ZNF362: variants seen among roughly 807,000 people sequenced by gnomAD.
ZNF362 encodes the protein zinc finger protein 362, also known as rotund homolog.
A neutral mutation model predicts 42.9 loss-of-function variants in ZNF362; 11 were observed. The ratio of observed to expected loss-of-function variants is 0.26; its 90% CI spans 0.16 to 0.42. The LOEUF (loss-of-function observed/expected upper bound fraction) is 0.42. Ranked by LOEUF, ZNF362 falls within the 20% of genes least tolerant of loss-of-function variation. ZNF362 has a pLI of 1.00. For synonymous variants in ZNF362, 255 were observed against 257.3 expected, an observed-to-expected ratio of 0.99 and a Z score of 0.09; for missense variants, 362 against 576.2, an observed-to-expected ratio of 0.63 and a Z score of 3.81.
At chr1:33,273,465 G>C (rs1267687862) in intron 2 of ZNF362, among the ~76,000 whole-genome samples, 1 of 152,214 alleles carries the variant, frequency 6.6e-6, no homozygotes, top group South Asian at 2.1e-4. Context: ...CTCCTGATCA[G>C]GGTAGTGGCT....
At chr1:33,192,924 A>G in the ZNF362 span, among the ~76,000 whole-genome samples, 2 of 151,726 alleles carry the variant, frequency 1.3e-5, no homozygotes, top group Admixed American at 6.6e-5. Flanking sequence ...AATAGATAGT[A>G]TGACCAAGAA....
the ZNF362 span, among the ~76,000 whole-genome samples, chr1:33,234,064 T>C: frequency 2.6e-4 from 39 of 152,216 alleles, no homozygotes; most frequent in African/African-American, 8.7e-4. Flanking sequence ...TTGAAGCACT[T>C]GCTGTCTGCC....
chr1:33,141,680 G>A, the ZNF362 span, among the ~76,000 whole-genome samples: 104 of 152,154 alleles, frequency 6.8e-4, no homozygotes, highest in African/African-American at 2.4e-3. Context: ...TTTCAAGGGA[G>A]GGGGGAGCAT....
chr1:33,219,943 C>T, the ZNF362 span, among the ~76,000 whole-genome samples: 1 of 152,212 alleles, frequency 6.6e-6, no homozygotes, highest in African/African-American at 2.4e-5. Context: ...CAGCTCAGGG[C>T]CCCCTACTCC....
At chr1:33,168,733 C>T in the ZNF362 span, among the ~76,000 whole-genome samples, 7 of 152,188 alleles carry the variant, frequency 4.6e-5, no homozygotes, top group African/African-American at 1.2e-4. Flanking sequence ...GTAGAAAGAC[C>T]GCTCCTCAGG....
chr1:33,263,924 G>T (rs1016812277), intron 1 of ZNF362, among the ~76,000 whole-genome samples: 1 of 152,134 alleles, frequency 6.6e-6, no homozygotes, highest in Non-Finnish European at 1.5e-5. Flanking sequence ...CCTGTTCCCC[G>T]CGAGCCATTT....
the ZNF362 span, chr1:33,181,267 T>TGC: frequency 4.5e-6 from 7 of 1,547,880 alleles, no homozygotes; most frequent in Non-Finnish European, 6.1e-6. The surrounding 1 kb of genome is among the most constrained non-coding windows in gnomAD (Gnocchi z 6.5). Context: ...TCGGCGAACG[T>TGC]GCGCCGGCAC....
the ZNF362 span, among the ~76,000 whole-genome samples, chr1:33,190,411 T>C: frequency 1.3e-5 from 2 of 152,130 alleles, no homozygotes; most frequent in African/African-American, 4.8e-5. Flanking sequence ...ATTGTCACCA[T>C]TAAGAAACAG....
At chr1:33,221,771 C>T in the ZNF362 span, among the ~76,000 whole-genome samples, 1 of 152,096 alleles carries the variant, frequency 6.6e-6, no homozygotes, top group East Asian at 1.9e-4. Flanking sequence ...TAAGGTGTGT[C>T]TGATCTGTTC....
the ZNF362 span, among the ~76,000 whole-genome samples, chr1:33,138,688 G>C: frequency 6.6e-6 from 1 of 151,542 alleles, no homozygotes; most frequent in African/African-American, 2.4e-5. Flanking sequence ...CAAAATGCTA[G>C]CAGCAGTTAT....
the ZNF362 span, chr1:33,159,541 C>A: frequency 3.3e-6 from 4 of 1,205,448 alleles, no homozygotes; most frequent in South Asian, 6.3e-5. This position sits in a 1 kb window ranked among gnomAD's most constrained non-coding sequence, Gnocchi z 4.2. Flanking sequence ...CATGCTCCTA[C>A]CCATAGCAGA....
the ZNF362 span, among the ~76,000 whole-genome samples, chr1:33,193,828 G>A: frequency 1.3e-5 from 2 of 152,184 alleles, no homozygotes; most frequent in Non-Finnish European, 2.9e-5. Flanking sequence ...GAAGAGCATA[G>A]CCTTAACTAA....
chr1:33,251,957 A>G (rs1645763796), upstream of ZNF362, among the ~76,000 whole-genome samples: 1 of 152,224 alleles, frequency 6.6e-6, no homozygotes, highest in Non-Finnish European at 1.5e-5. Flanking sequence ...CCTCCCTTGC[A>G]GTAGGCAGGA....
chr1:33,140,551 C>A, the ZNF362 span, among the ~76,000 whole-genome samples: 3 of 152,208 alleles, frequency 2.0e-5, no homozygotes, highest in African/African-American at 7.2e-5. This position sits in a 1 kb window ranked among gnomAD's most constrained non-coding sequence, Gnocchi z 4.0. Context: ...GGGAAAAAGA[C>A]TTCAAAACAT....
Position 33,270,490 on chromosome 1 carries a change from C to G in ZNF362, c.-85C>G. The G allele has an allele frequency of 1.3e-6, 1 of 741,392 alleles. No homozygotes were observed. The highest frequency in any genetic ancestry group is 2.4e-6 in the Non-Finnish European group (1 of 411,132). The allele number at this position is 741,392 out of a possible 1,614,324, so 45.9% of individuals were successfully genotyped here. On this transcript the variant is annotated 5_prime_UTR_variant, in exon 2 of 9. Coordinates refer to ENST00000539719, the MANE Select transcript of ZNF362 (RefSeq NM_152493.3). ...TATTGTTATTCCCATATACAAGGTG[C>G]TGTTGGGAACACAGAGGAAGTGACT...
At chr1:33,236,550 A>ATATATAT in the ZNF362 span, among the ~76,000 whole-genome samples, 8 of 5,980 alleles carry the variant, frequency 1.3e-3, no homozygotes, top group African/African-American at 1.9e-3. Flanking sequence ...AAAAAAAAAA[A>ATATATAT]ATATATATAT....
chr1:33,180,316 C>G, the ZNF362 span, among the ~76,000 whole-genome samples: 1 of 152,034 alleles, frequency 6.6e-6, no homozygotes, highest in African/African-American at 2.4e-5. Context: ...AAGTCCTGGC[C>G]CCACTCAACC....
At chr1:33,269,640 G>A (rs1645887749) in intron 1 of ZNF362, among the ~76,000 whole-genome samples, 1 of 152,124 alleles carries the variant, frequency 6.6e-6, no homozygotes, top group Non-Finnish European at 1.5e-5. Flanking sequence ...GGGCTCAAGC[G>A]ATTCTCCTGC....
Position 33,280,563 on chromosome 1 carries a change from G to A in ZNF362, c.683+106G>A, listed in dbSNP as rs996566744. The A allele has an allele frequency of 4.6e-5, 67 of 1,447,886 alleles. No individual in the cohort carries two copies. Among genetic ancestry groups the A allele is most frequent in the Admixed American group, 2.2e-4 (8 of 36,034 alleles). 89.7% of individuals were successfully genotyped at this position (1,447,886 alleles called of 1,614,324 possible). ...GGGCTGAAACAGGACCCTTAGGGCT[G>A]AGGGGCAGGGCTAGGGTCCAGAGGG... On this transcript the variant is annotated intron_variant, in intron 5 of 8. Transcript: ENST00000539719. The surrounding 1 kb of genome is among the most constrained non-coding windows in gnomAD (Gnocchi z 5.6).
Sources: gnomAD v4.1 joint callset for allele counts (sites outside exome capture counted in the v4.1 genomes callset) on GRCh38, gnomAD v4.1.1 for gene constraint, Gnocchi (gnomAD v3.1) non-coding constraint, MANE v1.5 for transcripts, NCBI Gene and HGNC (gene_info 2026-07-23, HGNC 2026-07-21) for gene names.